Variants in SOX6 observed in about 807,000 individuals in gnomAD.
The protein encoded by SOX6 is SRY-box transcription factor 6.
Under a neutral mutation model 97.8 loss-of-function variants are expected in SOX6, and 11 were observed. The ratio of observed to expected loss-of-function variants is 0.11; its 90% CI spans 0.07 to 0.19. The LOEUF is 0.19. SOX6 is among the 10% of genes least tolerant of loss of function. The pLI, the probability that SOX6 is intolerant of heterozygous loss-of-function variation, is 1.00. For missense variants in SOX6, 810 were observed against 1,039.5 expected (o/e 0.78, Z 3.04); for synonymous variants, 360 against 371.4 (o/e 0.97, Z 0.35).
intron 6 of SOX6, among the ~76,000 whole-genome samples, chr11:16,173,957 T>C (rs1280935870): frequency 6.6e-6 from 1 of 151,242 alleles, no homozygotes; most frequent in African/African-American, 2.4e-5. Context: ...GAGATCCCCC[T>C]ACCTCAGCCT....
chr11:16,719,939 C>T (rs1848247207), intron 2 of SOX6, among the ~76,000 whole-genome samples: 1 of 152,164 alleles, frequency 6.6e-6, no homozygotes, highest in Non-Finnish European at 1.5e-5. Flanking sequence ...AACAAAAACA[C>T]TTTATATCAG....
intron 1 of SOX6, among the ~76,000 whole-genome samples, chr11:16,389,367 G>C (rs868330509): frequency 6.6e-6 from 1 of 152,156 alleles, no homozygotes; most frequent in African/African-American, 2.4e-5. Context: ...TTGTAGGCTT[G>C]AGCCACCATG....
intron 4 of SOX6, among the ~76,000 whole-genome samples, chr11:16,499,173 C>T (rs763427447): frequency 9.2e-5 from 14 of 151,996 alleles, no homozygotes; most frequent in East Asian, 1.9e-4. Context: ...ACCACTCAAC[C>T]ACATGGAAAC....
chr11:16,691,540 G>A (rs1430200087), intron 3 of SOX6, among the ~76,000 whole-genome samples: 1 of 152,214 alleles, frequency 6.6e-6, no homozygotes, highest in Non-Finnish European at 1.5e-5. Context: ...GCTCAGGCCT[G>A]TAATCCCAGC....
intron 4 of SOX6, among the ~76,000 whole-genome samples, chr11:16,492,860 T>C (rs117999088): frequency 0.011 from 1,662 of 152,176 alleles, 29 homozygotes; most frequent in East Asian, 0.051. Flanking sequence ...CCAATAAACA[T>C]CAAAATGTGC....
At chr11:16,528,111 T>A (rs144776597) in intron 4 of SOX6, among the ~76,000 whole-genome samples, 1 of 152,096 alleles carries the variant, frequency 6.6e-6, no homozygotes, top group Non-Finnish European at 1.5e-5. Context: ...ATCCCACGTA[T>A]GAAACATGCC....
intron 1 of SOX6, among the ~76,000 whole-genome samples, chr11:16,472,672 TA>T (rs1289137132): frequency 6.6e-6 from 1 of 152,150 alleles, no homozygotes; most frequent in Non-Finnish European, 1.5e-5. Context: ...CATGAACATC[TA>T]TTTTTTTAAG....
At chr11:16,274,969 AAAAG>A (rs1854354917) in intron 3 of SOX6, among the ~76,000 whole-genome samples, 1 of 152,196 alleles carries the variant, frequency 6.6e-6, no homozygotes. Context: ...ATTACTTCAG[AAAAG>A]AAATAAAAGA....
intron 1 of SOX6, among the ~76,000 whole-genome samples, chr11:16,398,375 C>T (rs11604277): frequency 0.31 from 47,198 of 151,332 alleles, 8,311 homozygotes; most frequent in Non-Finnish European, 0.4. Context: ...CATTCCCTGG[C>T]CTTTTAGCTA....
chr11:16,183,463 C>G (rs528188298), intron 6 of SOX6, among the ~76,000 whole-genome samples: 1 of 151,912 alleles, frequency 6.6e-6, no homozygotes. Context: ...TTATTAACAG[C>G]CTTTTTCCAG....
chr11:16,014,984 C>T lies in SOX6; in HGVS notation c.1690G>A (p.Gly564Ser). 1 of 1,612,922 alleles carries T rather than the reference C, an allele frequency of 6.2e-7. No individual in the cohort carries two copies. The highest frequency in any genetic ancestry group is 8.5e-7 in the Non-Finnish European group (1 of 1,179,354). The change falls in exon 13 of 16, where the codon GGC becomes AGC. Residue 564 changes from glycine to serine, a missense_variant. Physicochemically the swap from Gly to Ser is moderately conservative, Grantham distance 56 (BLOSUM62 0). Coordinates refer to ENST00000683767, the MANE Select transcript of SOX6 (RefSeq NM_001367873.1). ...TGKSNEDGKL[G>S]PGVIDLTRPE... is the part of the protein sequence containing the mutation. ...CGAGTAAGGTCGATGACACCTGGGC[C>T]CAGTTTTCCATCTTCATTTGACTTT...
intron 4 of SOX6, among the ~76,000 whole-genome samples, chr11:16,553,922 G>A (rs1847719323): frequency 6.6e-6 from 1 of 152,024 alleles, no homozygotes; most frequent in East Asian, 1.9e-4. Context: ...GAATGACCTT[G>A]ATTCTTAAAT....
intron 3 of SOX6, among the ~76,000 whole-genome samples, chr11:16,265,546 A>G (rs1057125804): frequency 2.0e-5 from 3 of 151,930 alleles, no homozygotes; most frequent in African/African-American, 7.2e-5. Context: ...CTAGTATTCA[A>G]CTTTTTAAAA....
At chr11:16,023,855 G>A (rs1855141276) in intron 12 of SOX6, among the ~76,000 whole-genome samples, 1 of 152,130 alleles carries the variant, frequency 6.6e-6, no homozygotes, top group African/African-American at 2.4e-5. Flanking sequence ...TGCAAACAAA[G>A]ACATTGGTCA....
At chr11:16,328,614 C>T (rs1172772790) in intron 2 of SOX6, among the ~76,000 whole-genome samples, 3 of 152,100 alleles carry the variant, frequency 2.0e-5, no homozygotes, top group South Asian at 4.1e-4. Context: ...TTAACTTATA[C>T]CACAGACAAT....
intron 2 of SOX6, among the ~76,000 whole-genome samples, chr11:16,720,395 G>A: frequency 7.3e-6 from 1 of 136,204 alleles, no homozygotes; most frequent in Admixed American, 7.7e-5. Context: ...CCTTTGTAGG[G>A]ACATGGATGA....
intron 3 of SOX6, among the ~76,000 whole-genome samples, chr11:16,701,521 T>C (rs931388858): frequency 5.3e-5 from 8 of 152,060 alleles, no homozygotes; most frequent in Admixed American, 4.6e-4. Flanking sequence ...TGGAAGAATA[T>C]GAAGTACAAA....
chr11:16,076,068 C>A (rs1848345030), intron 9 of SOX6, among the ~76,000 whole-genome samples: 1 of 151,974 alleles, frequency 6.6e-6, no homozygotes, highest in African/African-American at 2.4e-5. Context: ...ATGCAGAATA[C>A]TGAAGCTGGA....
At chr11:16,271,428 T>TG (rs1262844591) in intron 3 of SOX6, among the ~76,000 whole-genome samples, 3 of 151,482 alleles carry the variant, frequency 2.0e-5, no homozygotes, top group African/African-American at 7.2e-5. Context: ...GAATGATTTA[T>TG]GGAGCACTGG....
Sources: gnomAD v4.1 joint callset for allele counts (sites outside exome capture counted in the v4.1 genomes callset) on GRCh38, gnomAD v4.1.1 for gene constraint, MANE v1.5 for transcripts, NCBI Gene and HGNC (gene_info 2026-07-23, HGNC 2026-07-21) for gene names.